GRIN2A: variants seen among roughly 807,000 people sequenced by gnomAD.
GRIN2A encodes the protein glutamate ionotropic receptor NMDA type subunit 2A.
A neutral mutation model predicts 113.4 loss-of-function variants in GRIN2A; 22 were observed. That is an observed-to-expected ratio of 0.19 (90% CI 0.14 to 0.28). The LOEUF is 0.28. Among genes scored for constraint, GRIN2A ranks in the 10% least tolerant of loss-of-function variants. The probability of loss-of-function intolerance (pLI) is 1.00; values close to 1 mark genes in which losing one functional copy is unlikely to be tolerated. For synonymous variants in GRIN2A, 827 were observed against 738.4 expected (o/e 1.12, Z -1.94); for missense variants, 1,502 against 1,887.0 (o/e 0.80, Z 3.78).
intron 2 of GRIN2A, among the ~76,000 whole-genome samples, chr16:10,160,785 C>T (rs1301625885): frequency 6.6e-6 from 1 of 152,178 alleles, no homozygotes; most frequent in African/African-American, 2.4e-5. Context: ...TGTTAATTTG[C>T]TCTTCCTCCT....
intron 2 of GRIN2A, among the ~76,000 whole-genome samples, chr16:10,016,562 GCCT>G (rs2046614893): frequency 6.6e-6 from 1 of 152,174 alleles, no homozygotes; most frequent in Non-Finnish European, 1.5e-5. Context: ...GGAGCCCTGT[GCCT>G]CCTATCTGGC....
intron 2 of GRIN2A, among the ~76,000 whole-genome samples, chr16:10,151,871 C>T (rs2049584863): frequency 6.6e-6 from 1 of 152,188 alleles, no homozygotes; most frequent in Non-Finnish European, 1.5e-5. Flanking sequence ...GTCTGACCTC[C>T]GACCCTCCTC....
At chr16:10,122,703 T>A (rs1048937897) in intron 2 of GRIN2A, among the ~76,000 whole-genome samples, 1 of 152,218 alleles carries the variant, frequency 6.6e-6, no homozygotes, top group East Asian at 1.9e-4. Flanking sequence ...CAAAGAAACA[T>A]GAAAAGGGTG....
At chr16:9,807,117 A>G (rs1013723234) in intron 10 of GRIN2A, among the ~76,000 whole-genome samples, 2 of 150,204 alleles carry the variant, frequency 1.3e-5, no homozygotes, top group African/African-American at 4.9e-5. Flanking sequence ...CTTTGAGTCC[A>G]TTAAACATCT....
chr16:10,109,031 A>AC (rs1567304978), intron 2 of GRIN2A, among the ~76,000 whole-genome samples: 1 of 145,304 alleles, frequency 6.9e-6, no homozygotes, highest in African/African-American at 2.6e-5. Flanking sequence ...AAAAAAAAAA[A>AC]AAAACAAAAT....
chr16:10,009,780 T>C (rs1223050301), intron 2 of GRIN2A, among the ~76,000 whole-genome samples: 1 of 152,024 alleles, frequency 6.6e-6, no homozygotes, highest in African/African-American at 2.4e-5. Context: ...CAATCTGGTC[T>C]TTCCTGCAGT....
intron 2 of GRIN2A, among the ~76,000 whole-genome samples, chr16:10,148,377 T>C (rs1024702992): frequency 1.3e-5 from 2 of 152,166 alleles, no homozygotes; most frequent in African/African-American, 4.8e-5. Context: ...TTCCTTAAAC[T>C]GACTCCATTT....
chr16:10,174,775 T>C (rs560046021), intron 2 of GRIN2A, among the ~76,000 whole-genome samples: 73 of 150,774 alleles, frequency 4.8e-4, no homozygotes, highest in African/African-American at 1.7e-3. Context: ...ACAAATGAAA[T>C]GATGTAGTTA....
At chr16:9,833,797 G>A (rs1012959783) in intron 8 of GRIN2A, among the ~76,000 whole-genome samples, 1 of 152,190 alleles carries the variant, frequency 6.6e-6, no homozygotes, top group Non-Finnish European at 1.5e-5. Flanking sequence ...TCGACTCACT[G>A]CAACCTCTGC....
intron 2 of GRIN2A, among the ~76,000 whole-genome samples, chr16:10,168,226 T>C (rs1178238727): frequency 6.6e-6 from 1 of 152,232 alleles, no homozygotes; most frequent in Non-Finnish European, 1.5e-5. Flanking sequence ...TGTGAGTTGA[T>C]ATATACATAG....
Position 9,757,719 on chromosome 16 carries a change from A to T in GRIN2A, c.*5430T>A, listed in dbSNP as rs1052305023. 3 of 216,446 alleles carry T rather than the reference A, an allele frequency of 1.4e-5. No homozygotes were observed. Among genetic ancestry groups the T allele is most frequent in the African/African-American group, 4.5e-5 (2 of 44,402 alleles). The allele number at this position is 216,446 out of a possible 1,614,324, so 13.4% of individuals were successfully genotyped here. A position where few individuals can be genotyped will look rare whatever the true frequency, so the allele number is the denominator to read the frequency against. On this transcript the variant is annotated 3_prime_UTR_variant, in exon 13 of 13. Transcript: ENST00000330684. ...CTGCCAGCCTTTTATCTTCAGTTTGAGGTTTTAAACAATATCCCTGTTGAT... is the reference window on the plus strand; with the variant it reads ...CTGCCAGCCTTTTATCTTCAGTTTGTGGTTTTAAACAATATCCCTGTTGAT...
At chr16:10,050,355 C>T (rs1208358620) in intron 2 of GRIN2A, among the ~76,000 whole-genome samples, 6 of 152,194 alleles carry the variant, frequency 3.9e-5, no homozygotes, top group South Asian at 2.1e-4. Flanking sequence ...AGGAGGTGAG[C>T]GGCAGGTGAG....
chr16:10,090,015 TA>T (rs557482917), intron 2 of GRIN2A, among the ~76,000 whole-genome samples: 2 of 151,642 alleles, frequency 1.3e-5, no homozygotes, highest in Non-Finnish European at 2.9e-5. Flanking sequence ...TACCATGTGA[TA>T]AAAAAAAATC....
At chr16:10,158,029 G>C (rs748055720) in intron 2 of GRIN2A, among the ~76,000 whole-genome samples, 2 of 151,796 alleles carry the variant, frequency 1.3e-5, no homozygotes, top group African/African-American at 2.4e-5. Context: ...TTTTGAGACA[G>C]GATCTCACTC....
intron 2 of GRIN2A, among the ~76,000 whole-genome samples, chr16:9,983,273 T>G (rs1017477414): frequency 1.5e-4 from 23 of 152,312 alleles, no homozygotes; most frequent in African/African-American, 5.3e-4. Context: ...CTTCCTGGCC[T>G]CTAGTAACCA....
chr16:9,943,887 G>T (rs539889670), intron 2 of GRIN2A, among the ~76,000 whole-genome samples: 1 of 152,344 alleles, frequency 6.6e-6, no homozygotes, highest in Admixed American at 6.5e-5. Flanking sequence ...GAACTTTAAA[G>T]CTGATTTATT....
chr16:9,809,057 G>A (rs2042035967), intron 10 of GRIN2A, among the ~76,000 whole-genome samples: 1 of 152,176 alleles, frequency 6.6e-6, no homozygotes, highest in Non-Finnish European at 1.5e-5. Context: ...ACCAAACTGT[G>A]ACATACTGCA....
At position 9,944,379 on chromosome 16, in the gene GRIN2A, T is replaced by C. The variant is rs561942061; in HGVS notation, c.415-5828A>G. Among the ~76,000 whole-genome samples, 11 of 152,210 alleles carry C rather than the reference T, an allele frequency of 7.2e-5. No individual in the cohort carries two copies. The East Asian group carries it at 7.7e-4, about 11-fold the overall frequency. On this transcript the variant is annotated intron_variant, in intron 2 of 12. Transcript: ENST00000330684. ...CATTCTCACGTGCACATAAGCTGAA[T>C]TGGTCACACTGGAAAACAACTACTC...
chr16:9,780,036 TGG>T (rs1367984431), intron 11 of GRIN2A, among the ~76,000 whole-genome samples: 5 of 152,176 alleles, frequency 3.3e-5, no homozygotes, highest in African/African-American at 1.2e-4. Context: ...AAATGACTGG[TGG>T]CAACAGCCAA....
Sources: gnomAD v4.1 joint callset for allele counts (sites outside exome capture counted in the v4.1 genomes callset) on GRCh38, gnomAD v4.1.1 for gene constraint, MANE v1.5 for transcripts, NCBI Gene and HGNC (gene_info 2026-07-23, HGNC 2026-07-21) for gene names.